The following PLCB4 variants were observed in gnomAD, a reference collection of about 807,000 sequenced individuals.
The protein encoded by PLCB4 is phospholipase C beta 4.
A neutral mutation model predicts 178.8 loss-of-function variants in PLCB4; 77 were observed. That is an observed-to-expected ratio of 0.43 (90% CI 0.36 to 0.52). The LOEUF (loss-of-function observed/expected upper bound fraction) is 0.52, where lower values mean the gene tolerates loss of function less well. Ranked by LOEUF, PLCB4 falls within the 20% of genes least tolerant of loss-of-function variation. The pLI is 0.00. For synonymous variants in PLCB4, 496 were observed against 490.8 expected (o/e 1.01, Z -0.14); for missense variants, 1,024 against 1,453.4 (o/e 0.70, Z 4.80).
intron 11 of PLCB4, 25 bp downstream of exon 11, chr20:9,372,428 C>A: frequency 8.6e-7 from 1 of 1,163,412 alleles, no homozygotes; most frequent in Non-Finnish European, 1.3e-6. Flanking sequence ...TGAGGAAGTG[C>A]CATATAAATA....
At position 9,363,060 on chromosome 20, in the gene PLCB4, C is replaced by A. The variant is rs150025419; in HGVS notation, c.449+85C>A. The A allele has an allele frequency of 5.4e-6, 5 of 921,366 alleles. No individual in the cohort carries two copies. In the Admixed American group the frequency reaches 9.8e-5, roughly 18 times the overall value. The allele number at this position is 921,366 out of a possible 1,614,324, so 57.1% of individuals were successfully genotyped here. ...AGAGATGAAGGCTAGGTGGTTCCTT[C>A]CTCCAAATTCCTGCTTGCCTTTCCC... On this transcript the variant is annotated intron_variant, in intron 8 of 39. Transcript: ENST00000378473.
Position 9,069,176 on chromosome 20 carries a change from TC to T in PLCB4, c.-161del. ...TCTCCAGGCAGCGGCCGTCGCCGCA[TC>T]CCCGGCAGCAGCTCCAGGCAAAGTG... On this transcript the variant is annotated 5_prime_UTR_variant, in exon 1 of 40. Coordinates refer to ENST00000378473, the MANE Select transcript of PLCB4 (RefSeq NM_001377142.1). The T allele has an allele frequency of 6.5e-6, 1 of 153,190 alleles. No individual in the cohort carries two copies. 9.5% of individuals were successfully genotyped at this position (153,190 alleles called of 1,614,324 possible). A position where few individuals can be genotyped will look rare whatever the true frequency, so the allele number is the denominator to read the frequency against.
chr20:9,079,831 A>T (rs1026399585), intron 1 of PLCB4, among the ~76,000 whole-genome samples: 6 of 151,100 alleles, frequency 4.0e-5, no homozygotes, highest in Non-Finnish European at 7.4e-5. Context: ...CATTAAAAAA[A>T]TTTTTTTTTT....
chr20:9,322,596 G>A (rs991980066), intron 4 of PLCB4, among the ~76,000 whole-genome samples: 14 of 152,164 alleles, frequency 9.2e-5, no homozygotes, highest in African/African-American at 3.1e-4. Context: ...GCACCTCCAC[G>A]GCTCTTCTGC....
chr20:9,473,944 G>A (rs1391780648), intron 38 of PLCB4, among the ~76,000 whole-genome samples: 1 of 152,090 alleles, frequency 6.6e-6, no homozygotes, highest in African/African-American at 2.4e-5. Context: ...CAGGCCGGGC[G>A]CAGTGGGCTC....
In PLCB4 at chr20:9,154,919, C is replaced by G. The variant is rs188365834; in HGVS notation, c.-79+58577C>G. 1.8e-3 allele frequency among the ~76,000 whole-genome samples: 215 copies of G among 122,248 alleles called. 4 individuals carry two copies. Among genetic ancestry groups the G allele is most frequent in the African/African-American group, 6.8e-3 (201 of 29,426 alleles). 80.2% of individuals were successfully genotyped at this position (122,248 alleles called of 152,430 possible). A position where few individuals can be genotyped will look rare whatever the true frequency, so the allele number is the denominator to read the frequency against. On this transcript the variant is annotated intron_variant, in intron 2 of 39. Coordinates refer to ENST00000378473, the MANE Select transcript of PLCB4 (RefSeq NM_001377142.1). ...TCCCTCCTTCCCTCCTTCCTTCCTT[C>G]CTTCCTTCCTTCCTTCCTTCCTTCC... is the stretch of plus-strand genomic sequence containing the variant.
chr20:9,117,493 A>G (rs2091820362), intron 2 of PLCB4, among the ~76,000 whole-genome samples: 1 of 152,174 alleles, frequency 6.6e-6, no homozygotes, highest in Non-Finnish European at 1.5e-5. Flanking sequence ...GTCCATTCCT[A>G]TCCGTGCTTA....
chr20:9,255,802 T>C (rs2094227892), intron 3 of PLCB4, among the ~76,000 whole-genome samples: 1 of 151,996 alleles, frequency 6.6e-6, no homozygotes, highest in Non-Finnish European at 1.5e-5. Context: ...ATAAATGAAG[T>C]TGTGGCTGAG....
At chr20:9,387,362 T>C in intron 14 of PLCB4, 101 bp from the exon 15 acceptor site, 1 of 612,634 alleles carries the variant, frequency 1.6e-6, no homozygotes, top group Non-Finnish European at 2.9e-6. Flanking sequence ...TTCAATTTTC[T>C]GTTCTGGAAG....
chr20:9,199,058 GGT>G (rs1172021269), intron 2 of PLCB4, among the ~76,000 whole-genome samples: 2 of 152,244 alleles, frequency 1.3e-5, no homozygotes, highest in East Asian at 3.9e-4. Flanking sequence ...CTCTTAACAT[GGT>G]GTGAGGAGCA....
chr20:9,176,369 G>T (rs899320610), intron 2 of PLCB4, among the ~76,000 whole-genome samples: 1 of 152,140 alleles, frequency 6.6e-6, no homozygotes, highest in Non-Finnish European at 1.5e-5. Context: ...GAATGGAATG[G>T]CTGGGTGAGG....
In PLCB4 at chr20:9,418,203, G is replaced by A. The variant is rs1253073819; in HGVS notation, c.2052-1604G>A. On this transcript the variant is annotated intron_variant, in intron 25 of 39. Transcript: ENST00000378473. The stretch of plus-strand genomic sequence containing the variant: ...CCAGTGTATCATTGCATGTGCTTTT[G>A]GTATCATGTTTAGAATCCATTGCCA... Among the ~76,000 whole-genome samples, 3 of 152,076 alleles carry A rather than the reference G, an allele frequency of 2.0e-5. No individual in the cohort carries two copies. In the East Asian group the frequency reaches 5.8e-4, roughly 29 times the overall value.
intron 3 of PLCB4, among the ~76,000 whole-genome samples, chr20:9,238,523 C>A (rs1208635786): frequency 6.6e-6 from 1 of 152,188 alleles, no homozygotes; most frequent in Admixed American, 6.5e-5. Flanking sequence ...TGAGTCCTTT[C>A]TGATATCACG....
chr20:9,176,696 G>C (rs558726772), intron 2 of PLCB4, among the ~76,000 whole-genome samples: 1 of 152,192 alleles, frequency 6.6e-6, no homozygotes, highest in East Asian at 1.9e-4. Context: ...TCCAACCCAT[G>C]AGCATATACA....
In PLCB4 at chr20:9,468,299, AG is replaced by A. The variant is rs371350708; in HGVS notation, c.3249-271del. On this transcript the variant is annotated intron_variant, in intron 35 of 39. Transcript: ENST00000378473. ...AGCTCAATAATAGAAAGAAAAAAAA[AG>A]AAGAGTGAGAGGAGTGAGCCTAGTC... Among the ~76,000 whole-genome samples the A allele has an allele frequency of 5.1e-3, 770 of 152,264 alleles. 5 individuals are homozygous for A. Among genetic ancestry groups the A allele is most frequent in the African/African-American group, 0.017 (720 of 41,560 alleles).
intron 7 of PLCB4, among the ~76,000 whole-genome samples, chr20:9,346,959 C>A (rs1363190142): frequency 6.6e-6 from 1 of 152,176 alleles, no homozygotes; most frequent in African/African-American, 2.4e-5. Flanking sequence ...TCCTTGCCTG[C>A]CAGTTCTCAT....
intron 2 of PLCB4, among the ~76,000 whole-genome samples, chr20:9,174,213 A>C (rs1194422051): frequency 6.6e-6 from 1 of 151,994 alleles, no homozygotes; most frequent in Non-Finnish European, 1.5e-5. Context: ...ATCATGGCTC[A>C]CTTCAGCCTC....
At chr20:9,231,672 G>A (rs765221292) in intron 3 of PLCB4, among the ~76,000 whole-genome samples, 2 of 152,096 alleles carry the variant, frequency 1.3e-5, no homozygotes, top group Admixed American at 1.3e-4. Flanking sequence ...GAAAATTTCA[G>A]TATTAAAGTT....
intron 7 of PLCB4, among the ~76,000 whole-genome samples, chr20:9,359,335 C>T (rs973442355): frequency 2.0e-5 from 3 of 152,148 alleles, no homozygotes; most frequent in African/African-American, 7.2e-5. Context: ...GTCAAAAGCT[C>T]CAGGAGAGAA....
Sources: gnomAD v4.1 joint callset for allele counts (sites outside exome capture counted in the v4.1 genomes callset) on GRCh38, gnomAD v4.1.1 for gene constraint, MANE v1.5 for transcripts, NCBI Gene and HGNC (gene_info 2026-07-23, HGNC 2026-07-21) for gene names.